OPCML: variants seen among roughly 807,000 people sequenced by gnomAD.
OPCML encodes the protein opioid-binding protein/cell adhesion molecule.
A neutral mutation model predicts 37.8 loss-of-function variants in OPCML; 13 were observed. The observed-to-expected ratio is 0.34, with a 90% CI of 0.22 to 0.55. The LOEUF is 0.55. OPCML is among the 20% of genes least tolerant of loss of function. OPCML has a pLI of 0.91. For synonymous variants in OPCML, 176 were observed against 168.8 expected, an observed-to-expected ratio of 1.04 and a Z score of -0.33; for missense variants, 341 against 435.6, an observed-to-expected ratio of 0.78 and a Z score of 1.93.
intron 2 of OPCML, among the ~76,000 whole-genome samples, chr11:132,718,100 C>A (rs1418880279): frequency 6.6e-6 from 1 of 152,156 alleles, no homozygotes; most frequent in African/African-American, 2.4e-5. Flanking sequence ...TCTTTTCAAG[C>A]CAACAGCCAA....
intron 1 of OPCML, among the ~76,000 whole-genome samples, chr11:133,522,104 C>G (rs551249895): frequency 1.3e-5 from 2 of 152,282 alleles, no homozygotes; most frequent in East Asian, 3.9e-4. Flanking sequence ...GCATTTGGCT[C>G]TTTCCCTTAG....
At chr11:132,533,803 T>G (rs1480930758) in intron 3 of OPCML, among the ~76,000 whole-genome samples, 1 of 152,132 alleles carries the variant, frequency 6.6e-6, no homozygotes, top group Non-Finnish European at 1.5e-5. Context: ...CCACCCACTC[T>G]CCAGTTCTCA....
intron 1 of OPCML, among the ~76,000 whole-genome samples, chr11:133,262,326 C>T (rs1941520248): frequency 6.6e-6 from 1 of 152,150 alleles, no homozygotes; most frequent in Non-Finnish European, 1.5e-5. Flanking sequence ...AGAAACATTC[C>T]TGGGTGTAGG....
At chr11:132,793,755 A>G (rs4076157) in intron 2 of OPCML, among the ~76,000 whole-genome samples, 37,555 of 152,092 alleles carry the variant, frequency 0.25, 5,203 homozygotes, top group Non-Finnish European at 0.33. Flanking sequence ...TCTGTCCCCC[A>G]TCTCTCCCAT....
Position 133,437,644 on chromosome 11 carries a change from A to T in OPCML, c.61+94620T>A, listed in dbSNP as rs372510151. On this transcript the variant is annotated intron_variant, in intron 1 of 7. Coordinates refer to ENST00000524381, the MANE Select transcript of OPCML (RefSeq NM_001012393.5). Reference sequence around the variant, plus strand: ...CAACCCCGCTCACCTCTCCCCTCTCAACCCCGCTCACCTCTCCCCTCTCAA... The same window carrying T: ...CAACCCCGCTCACCTCTCCCCTCTCTACCCCGCTCACCTCTCCCCTCTCAA... Among the ~76,000 whole-genome samples the T allele has an allele frequency of 5.1e-5, 7 of 136,228 alleles. No homozygotes were observed. In the East Asian group the frequency reaches 1.5e-3, roughly 30 times the overall value. 89.4% of individuals were successfully genotyped at this position (136,228 alleles called of 152,430 possible). A position where few individuals can be genotyped will look rare whatever the true frequency, so the allele number is the denominator to read the frequency against.
At chr11:133,192,676 C>T (rs1232949712) in intron 1 of OPCML, among the ~76,000 whole-genome samples, 1 of 152,120 alleles carries the variant, frequency 6.6e-6, no homozygotes, top group African/African-American at 2.4e-5. Flanking sequence ...AGTCTGTTTC[C>T]TCTTTCATAC....
intron 1 of OPCML, among the ~76,000 whole-genome samples, chr11:133,456,273 G>A (rs1389220206): frequency 6.6e-6 from 1 of 152,022 alleles, no homozygotes; most frequent in African/African-American, 2.4e-5. Flanking sequence ...TTGTGGAGAG[G>A]GAAGATTTTA....
At chr11:133,011,986 T>G (rs1947227440) in intron 1 of OPCML, among the ~76,000 whole-genome samples, 1 of 152,192 alleles carries the variant, frequency 6.6e-6, no homozygotes, top group South Asian at 2.1e-4. Context: ...GTTATAGTCT[T>G]ATTTACAAAA....
intron 1 of OPCML, among the ~76,000 whole-genome samples, chr11:133,354,729 T>G (rs138770638): frequency 1.1e-4 from 16 of 152,360 alleles, no homozygotes; most frequent in African/African-American, 3.8e-4. Context: ...TTATTTGATT[T>G]CAACATATTC....
intron 2 of OPCML, among the ~76,000 whole-genome samples, chr11:132,796,017 C>T (rs1938286243): frequency 6.6e-6 from 1 of 152,172 alleles, no homozygotes; most frequent in Admixed American, 6.5e-5. Flanking sequence ...CTAAACAATA[C>T]AGTTTATAAG....
chr11:133,060,158 TCCTCTCCCTCTC>T (rs553478664), intron 1 of OPCML, among the ~76,000 whole-genome samples: 5 of 151,190 alleles, frequency 3.3e-5, no homozygotes, highest in African/African-American at 4.9e-5. Context: ...AATCTTATTC[TCCTCTCCCTCTC>T]CCTCTCCCTC....
chr11:133,052,115 A>T (rs1948143215), intron 1 of OPCML, among the ~76,000 whole-genome samples: 3 of 152,222 alleles, frequency 2.0e-5, no homozygotes, highest in African/African-American at 4.8e-5. Context: ...CCCTTTGATT[A>T]AAATACACCA....
At chr11:133,532,059 C>T in intron 1 of OPCML, 1 of 365,092 alleles carries the variant, frequency 2.7e-6, no homozygotes, top group Non-Finnish European at 3.8e-6. Context: ...GAGAGCAAAT[C>T]CCGTGCTGAA....
chr11:133,297,674 T>C (rs1409600799), intron 1 of OPCML: 1 of 152,232 alleles, frequency 6.6e-6, no homozygotes, highest in Non-Finnish European at 1.5e-5. Flanking sequence ...TTATAGATAT[T>C]TGCAAGACAA....
chr11:133,157,165 C>T (rs1273614513), intron 1 of OPCML, among the ~76,000 whole-genome samples: 2 of 152,186 alleles, frequency 1.3e-5, no homozygotes, highest in Admixed American at 1.3e-4. Context: ...ATAGCTCTTG[C>T]TGAAGGACAA....
chr11:132,753,389 G>A (rs1223780609), intron 2 of OPCML, among the ~76,000 whole-genome samples: 3 of 152,140 alleles, frequency 2.0e-5, no homozygotes, highest in Non-Finnish European at 4.4e-5. Context: ...AATATACTAG[G>A]AGAGTGCTGA....
chr11:132,779,644 G>A (rs1423420167), intron 2 of OPCML, among the ~76,000 whole-genome samples: 1 of 152,042 alleles, frequency 6.6e-6, no homozygotes, highest in East Asian at 1.9e-4. Flanking sequence ...GAGAGCTCAG[G>A]ACTGCCCAGA....
chr11:133,035,643 A>G (rs543988609), intron 1 of OPCML, among the ~76,000 whole-genome samples: 11 of 152,268 alleles, frequency 7.2e-5, no homozygotes, highest in Middle Eastern at 6.8e-3. Flanking sequence ...TGCCCCCCCA[A>G]AAAATGTACA....
intron 1 of OPCML, among the ~76,000 whole-genome samples, chr11:133,418,771 C>T (rs756044784): frequency 4.6e-5 from 7 of 152,188 alleles, no homozygotes; most frequent in Admixed American, 1.3e-4. Flanking sequence ...CGTGGTTAAA[C>T]GATAACCAGC....
Sources: allele counts gnomAD v4.1 joint callset (sites outside exome capture counted in the v4.1 genomes callset), GRCh38; gene constraint gnomAD v4.1.1; transcripts MANE v1.5; gene names NCBI Gene and HGNC (gene_info 2026-07-23, HGNC 2026-07-21).